PRKAA1: variants seen among roughly 807,000 people sequenced by gnomAD.
PRKAA1 encodes the protein 5'-AMP-activated protein kinase catalytic subunit alpha-1.
PRKAA1 carries 23 observed loss-of-function variants against 56.9 expected under a neutral mutation model. That is an observed-to-expected ratio of 0.40 (90% confidence interval 0.29 to 0.57). The LOEUF (loss-of-function observed/expected upper bound fraction) is 0.57, where lower values mean the gene tolerates loss of function less well. Ranked by LOEUF, PRKAA1 falls within the 20% of genes least tolerant of loss-of-function variation. The pLI, the probability that PRKAA1 is intolerant of heterozygous loss-of-function variation, is 0.39. For missense variants in PRKAA1, 413 were observed against 679.7 expected (o/e 0.61, Z 4.36); for synonymous variants, 226 against 227.0 (o/e 1.00, Z 0.04).
intron 8 of PRKAA1, 84 bp downstream of exon 8, chr5:40,764,430 T>C: frequency 1.1e-5 from 14 of 1,325,702 alleles, no homozygotes; most frequent in Non-Finnish European, 1.4e-5. Flanking sequence ...TAGGAACAAG[T>C]CAAGAAGCCT....
chr5:40,792,928 G>A lies in PRKAA1; in HGVS notation c.127+5135C>T, dbSNP rs945950567. Among the ~76,000 whole-genome samples the A allele has an allele frequency of 7.9e-5, 12 of 151,908 alleles. 1 individual carries two copies. In the South Asian group the frequency reaches 1.7e-3, roughly 21 times the overall value. ...AAATACAAAAAAAAAATAGCTGGGC[G>A]TAGTGGTGGGCGCCTATAATCCCAG... On this transcript the variant is annotated intron_variant, in intron 1 of 8. Transcript: ENST00000397128.
chr5:40,796,189 G>A (rs1744921991), intron 1 of PRKAA1, among the ~76,000 whole-genome samples: 4 of 152,154 alleles, frequency 2.6e-5, no homozygotes, highest in East Asian at 3.9e-4. Flanking sequence ...GGTGGTGGGC[G>A]CCTGTAATTC....
chr5:40,772,333 CAGA>C (rs1468865544), intron 3 of PRKAA1, among the ~76,000 whole-genome samples: 1 of 152,096 alleles, frequency 6.6e-6, no homozygotes, highest in East Asian at 1.9e-4. Flanking sequence ...TAAATATAGT[CAGA>C]AGGAGTGATA....
At chr5:40,769,048 CTA>C in intron 5 of PRKAA1, 1 of 791,548 alleles carries the variant, frequency 1.3e-6, no homozygotes, top group Non-Finnish European at 2.0e-6. Flanking sequence ...AAAATGCCAT[CTA>C]TGTAAAAAAT....
chr5:40,793,252 G>A (rs1222142084), intron 1 of PRKAA1, among the ~76,000 whole-genome samples: 1 of 151,814 alleles, frequency 6.6e-6, no homozygotes, highest in African/African-American at 2.4e-5. Flanking sequence ...TGGGCAGAGG[G>A]AAGGCCCACA....
Position 40,764,368 on chromosome 5 carries a change from T to C in PRKAA1, c.1435+146A>G, listed in dbSNP as rs961882551. 5.6e-6 allele frequency: 4 copies of C among 708,654 alleles called. No individual in the cohort carries two copies. The African/African-American group carries it at 7.2e-5, about 13-fold the overall frequency. 43.9% of individuals were successfully genotyped at this position (708,654 alleles called of 1,614,324 possible). ...GAAAAATAAGATTCATAAATGTTAATATTGCAAAGGCACAAGAAATCACAT... is the reference window on the plus strand; with the variant it reads ...GAAAAATAAGATTCATAAATGTTAACATTGCAAAGGCACAAGAAATCACAT... On this transcript the variant is annotated intron_variant, in intron 8 of 8. Coordinates refer to ENST00000397128, the MANE Select transcript of PRKAA1 (RefSeq NM_006251.6).
In PRKAA1 at chr5:40,768,857, G is replaced by A. The variant is rs57237835; in HGVS notation, c.596+559C>T. 1,803 of 1,524,830 alleles carry A rather than the reference G, an allele frequency of 1.2e-3. 23 individuals carry two copies. The African/African-American group carries it at 0.022, about 19-fold the overall frequency. The allele number at this position is 1,524,830 out of a possible 1,614,324, so 94.5% of individuals were successfully genotyped here. The stretch of plus-strand genomic sequence containing the variant: ...CTGTTTTCCAAACTATTCAAAAAGC[G>A]ACACTGTACAAATATCTTCATGTTC... On this transcript the variant is annotated intron_variant, in intron 5 of 8. Transcript: ENST00000397128.
At chr5:40,784,883 A>T (rs1744405508) in intron 1 of PRKAA1, among the ~76,000 whole-genome samples, 1 of 152,216 alleles carries the variant, frequency 6.6e-6, no homozygotes, top group African/African-American at 2.4e-5. Context: ...GCTTTTTCCG[A>T]ACATGGTTAA....
At chr5:40,780,962 T>C (rs1744244030) in intron 1 of PRKAA1, among the ~76,000 whole-genome samples, 1 of 152,120 alleles carries the variant, frequency 6.6e-6, no homozygotes. Context: ...CCTCGTCAAT[T>C]TGGCACCCAT....
At chr5:40,797,889 T>C (rs1437633241) in intron 1 of PRKAA1, among the ~76,000 whole-genome samples, 174 bp downstream of exon 1, 1 of 150,024 alleles carries the variant, frequency 6.7e-6, no homozygotes. Flanking sequence ...CGGCCTGTGC[T>C]GGCCGCGCCG....
At chr5:40,773,074 C>T (rs1027061460) in intron 3 of PRKAA1, among the ~76,000 whole-genome samples, 4 of 152,186 alleles carry the variant, frequency 2.6e-5, no homozygotes, top group African/African-American at 9.7e-5. Flanking sequence ...AGGCGAAGGA[C>T]TCCAATATGC....
intron 1 of PRKAA1, among the ~76,000 whole-genome samples, chr5:40,786,448 T>C (rs1187198544): frequency 1.3e-5 from 2 of 151,952 alleles, no homozygotes; most frequent in Admixed American, 6.6e-5. Context: ...GAAATGGATA[T>C]AGTTAGTTTA....
At chr5:40,781,529 G>A (rs972776871) in intron 1 of PRKAA1, among the ~76,000 whole-genome samples, 1 of 152,122 alleles carries the variant, frequency 6.6e-6, no homozygotes, top group African/African-American at 2.4e-5. Flanking sequence ...AATCCAGACA[G>A]GAATGTGACA....
Position 40,775,349 on chromosome 5 carries a change from T to G in PRKAA1, c.363+61A>C, listed in dbSNP as rs957340968. ...TTAAAATTGGTTGCTGACATTTTGA[T>G]GCTAGTAAAGGATAAAGGGGAGTTA... On this transcript the variant is annotated intron_variant, in intron 3 of 8. Transcript: ENST00000397128. 5 of 1,311,128 alleles carry G rather than the reference T, an allele frequency of 3.8e-6. No homozygotes were observed. The African/African-American group carries it at 7.3e-5, about 19-fold the overall frequency. 81.2% of individuals were successfully genotyped at this position (1,311,128 alleles called of 1,614,324 possible).
rs1743209087 is a variant in PRKAA1 at position 40,761,995 on chromosome 5, CG to C, written c.*782del. 6.6e-6 allele frequency: 1 copy of C among 152,130 alleles called. No individual in the cohort carries two copies. The highest frequency in any genetic ancestry group is 2.4e-5 in the African/African-American group (1 of 41,422). 9.4% of individuals were successfully genotyped at this position (152,130 alleles called of 1,614,324 possible). A position where few individuals can be genotyped will look rare whatever the true frequency, so the allele number is the denominator to read the frequency against. ...AATTTTAAAAGGGGGATATGGAGGC[CG>C]GGTGCGGTGGCTCACGCCTGTAATC... On this transcript the variant is annotated 3_prime_UTR_variant, in exon 9 of 9. Transcript: ENST00000397128.
intron 5 of PRKAA1, 111 bp from the exon 6 acceptor site, chr5:40,767,801 T>C: frequency 2.2e-6 from 2 of 895,494 alleles, no homozygotes; most frequent in East Asian, 5.2e-5. Flanking sequence ...AGAATATGGT[T>C]TTTATAGCCA....
intron 3 of PRKAA1, among the ~76,000 whole-genome samples, chr5:40,773,525 C>T (rs184149653): frequency 6.6e-6 from 1 of 152,062 alleles, no homozygotes; most frequent in South Asian, 2.1e-4. Flanking sequence ...AAAATGACAT[C>T]AGCAATAAAA....
chr5:40,769,582 T>C (rs189867095), intron 4 of PRKAA1, 79 bp from the exon 5 acceptor site: 2 of 1,162,694 alleles, frequency 1.7e-6, no homozygotes, highest in Middle Eastern at 2.1e-4. Flanking sequence ...TAAAATTGAG[T>C]TTGCATTAAA....
intron 1 of PRKAA1, among the ~76,000 whole-genome samples, chr5:40,787,711 G>A (rs72747984): frequency 0.36 from 53,745 of 150,112 alleles, 10,279 homozygotes; most frequent in Admixed American, 0.46. Context: ...AAGATAAAAA[G>A]AAAAAATCCA....
Sources: gnomAD v4.1 joint callset for allele counts (sites outside exome capture counted in the v4.1 genomes callset) on GRCh38, gnomAD v4.1.1 for gene constraint, MANE v1.5 for transcripts, NCBI Gene and HGNC (gene_info 2026-07-23, HGNC 2026-07-21) for gene names.